KLRF2: variants seen among roughly 807,000 people sequenced by gnomAD.
KLRF2 encodes the protein killer cell lectin-like receptor subfamily F member 2.
Under a neutral mutation model 25.3 loss-of-function variants are expected in KLRF2, and 28 were observed. That is an observed-to-expected ratio of 1.11 (90% CI 0.82 to 1.52). The LOEUF (loss-of-function observed/expected upper bound fraction) is 1.52. KLRF2 is among the 40% of genes most tolerant of loss of function. The pLI, the probability that KLRF2 is intolerant of heterozygous loss-of-function variation, is 0.00. For synonymous variants in KLRF2, 73 were observed against 85.0 expected, an observed-to-expected ratio of 0.86 and a Z score of 0.78; for missense variants, 265 against 245.8, an observed-to-expected ratio of 1.08 and a Z score of -0.52.
intron 1 of KLRF2, among the ~76,000 whole-genome samples, chr12:9,882,553 G>A (rs916833942): frequency 9.9e-5 from 15 of 152,172 alleles, no homozygotes; most frequent in Admixed American, 1.3e-4. Context: ...AGAGGTGGGC[G>A]GGTCACCTGA....
intron 5 of KLRF2, among the ~76,000 whole-genome samples, chr12:9,894,933 A>C (rs1476067555): frequency 6.6e-6 from 1 of 152,184 alleles, no homozygotes; most frequent in East Asian, 1.9e-4. Context: ...CTTTTATCTT[A>C]TCATTTAAGG....
intron 3 of KLRF2, 33 bp from the exon 4 acceptor site, chr12:9,892,987 G>A: frequency 5.3e-6 from 8 of 1,499,474 alleles, no homozygotes; most frequent in Non-Finnish European, 7.2e-6. Context: ...TGGCTGTAAA[G>A]TTTAATTAAT....
intron 5 of KLRF2, 114 bp downstream of exon 5, chr12:9,893,655 A>T: frequency 2.3e-6 from 1 of 432,650 alleles, no homozygotes; most frequent in Non-Finnish European, 4.0e-6. Context: ...TTATCTTTAC[A>T]TTTTTTTCTA....
chr12:9,895,601 A>T, intron 5 of KLRF2, 88 bp from the exon 6 acceptor site: 1 of 1,247,108 alleles, frequency 8.0e-7, no homozygotes, highest in Non-Finnish European at 1.1e-6. Context: ...CTGAAGAATT[A>T]CCTATAAAAG....
intron 3 of KLRF2, among the ~76,000 whole-genome samples, chr12:9,889,210 C>A (rs548657361): frequency 6.6e-6 from 1 of 152,228 alleles, no homozygotes; most frequent in East Asian, 1.9e-4. Flanking sequence ...GTTTTTTAAA[C>A]TTTCAAATGA....
chr12:9,881,886 G>A (rs2136991793), intron 1 of KLRF2, among the ~76,000 whole-genome samples: 1 of 152,222 alleles, frequency 6.6e-6, no homozygotes, highest in African/African-American at 2.4e-5. Flanking sequence ...ATGACGATGT[G>A]TAATCCTGTG....
At chr12:9,889,668 A>G (rs10047667) in intron 3 of KLRF2, among the ~76,000 whole-genome samples, 2 of 149,152 alleles carry the variant, frequency 1.3e-5, no homozygotes, top group African/African-American at 2.5e-5. Flanking sequence ...GTGTATATAT[A>G]TGTATATATA....
At chr12:9,881,790 T>C in intron 1 of KLRF2, 125 bp downstream of exon 1, 1 of 743,156 alleles carries the variant, frequency 1.3e-6, no homozygotes, top group Non-Finnish European at 2.2e-6. Flanking sequence ...TGGTCATAAA[T>C]TGTCTGTTAG....
At chr12:9,883,453 T>C (rs1236004940) in intron 1 of KLRF2, among the ~76,000 whole-genome samples, 1 of 152,222 alleles carries the variant, frequency 6.6e-6, no homozygotes, top group Non-Finnish European at 1.5e-5. Flanking sequence ...ATATAGTATG[T>C]AAATCATGGC....
At chr12:9,893,369 T>C (rs1862709404) in intron 4 of KLRF2, 60 bp from the exon 5 acceptor site, 3 of 885,940 alleles carry the variant, frequency 3.4e-6, no homozygotes, top group Non-Finnish European at 5.2e-6. Context: ...ACTTACACTA[T>C]AGAAGGCATC....
chr12:9,889,727 G>A (rs1440817160), intron 3 of KLRF2, among the ~76,000 whole-genome samples: 1 of 151,428 alleles, frequency 6.6e-6, no homozygotes, highest in Non-Finnish European at 1.5e-5. Flanking sequence ...ATTGGTTGTG[G>A]CTATGGAGAA....
At chr12:9,889,203 T>C (rs1862642472) in intron 3 of KLRF2, among the ~76,000 whole-genome samples, 1 of 152,192 alleles carries the variant, frequency 6.6e-6, no homozygotes, top group South Asian at 2.1e-4. Flanking sequence ...AAACATAGTT[T>C]TTTAAACTTT....
intron 3 of KLRF2, 140 bp downstream of exon 3, chr12:9,888,920 C>G (rs1862638912): frequency 2.0e-6 from 1 of 502,036 alleles, no homozygotes; most frequent in Middle Eastern, 2.8e-4. Flanking sequence ...AGGACATCCT[C>G]TTCCTCAGTG....
intron 1 of KLRF2, among the ~76,000 whole-genome samples, chr12:9,882,418 CA>C (rs1006565632): frequency 6.6e-6 from 1 of 152,054 alleles, no homozygotes. Flanking sequence ...TATCATGAAA[CA>C]AATGTTTACT....
At position 9,893,425 on chromosome 12, in the gene KLRF2, G is replaced by T. The variant is rs747216879; in HGVS notation, c.367-4G>T. 7.7e-7 allele frequency: 1 copy of T among 1,290,610 alleles called. No homozygotes were observed. Among genetic ancestry groups the T allele is most frequent in the South Asian group, 1.4e-5 (1 of 73,642 alleles). The allele number at this position is 1,290,610 out of a possible 1,614,324, so 79.9% of individuals were successfully genotyped here. A position where few individuals can be genotyped will look rare whatever the true frequency, so the allele number is the denominator to read the frequency against. On this transcript the variant is annotated splice_region_variant and splice_polypyrimidine_tract_variant and intron_variant, in intron 4 of 5. Coordinates refer to ENST00000535540, the MANE Select transcript of KLRF2 (RefSeq NM_001190765.1). ...AATGAATAAATGCACTATTTCTTCTGCAGGAGTTCATACAGAACAGTTTAA... is the reference window on the plus strand; with the variant it reads ...AATGAATAAATGCACTATTTCTTCTTCAGGAGTTCATACAGAACAGTTTAA...
intron 4 of KLRF2, 77 bp from the exon 5 acceptor site, chr12:9,893,352 C>A: frequency 1.2e-6 from 1 of 817,320 alleles, no homozygotes; most frequent in South Asian, 1.9e-5. Context: ...TTAATGCCGG[C>A]ACAGAGACTT....
At chr12:9,889,502 C>T (rs1397958077) in intron 3 of KLRF2, among the ~76,000 whole-genome samples, 2 of 152,030 alleles carry the variant, frequency 1.3e-5, no homozygotes, top group South Asian at 2.1e-4. Flanking sequence ...GAATTTTGAC[C>T]TCCAGACTTC....
chr12:9,895,754 C>T lies in KLRF2; in HGVS notation c.545C>T (p.Ser182Phe). 2 of 1,535,928 alleles carry T rather than the reference C, an allele frequency of 1.3e-6. 1 individual carries two copies. The highest frequency in any genetic ancestry group is 2.4e-5 in the South Asian group (2 of 84,048). Residue 182 changes from serine to phenylalanine, a missense_variant, in exon 6 of 6, where the codon TCT (serine) becomes TTT (phenylalanine). Ser to Phe is a radical substitution (Grantham distance 155). Transcript: ENST00000535540. ...CAVITGNWVY[S>F]EDCSSTFKGI... ...GTTATCACAGGAAACTGGGTGTATT[C>T]TGAAGACTGTAGCTCCACATTTAAG...
chr12:9,888,250 G>A (rs976260203), intron 2 of KLRF2, among the ~76,000 whole-genome samples: 3 of 151,846 alleles, frequency 2.0e-5, no homozygotes, highest in Non-Finnish European at 2.9e-5. Context: ...CAGCACTTTC[G>A]GAAGCCGAGG....
Sources: allele counts gnomAD v4.1 joint callset (sites outside exome capture counted in the v4.1 genomes callset), GRCh38; gene constraint gnomAD v4.1.1; transcripts MANE v1.5; gene names NCBI Gene and HGNC (gene_info 2026-07-23, HGNC 2026-07-21).